Variants in ATP10B observed in about 807,000 individuals in gnomAD.
The protein encoded by ATP10B is ATPase phospholipid transporting 10B (putative), also known as phospholipid-transporting ATPase VB.
ATP10B carries 122 observed loss-of-function variants against 141.2 expected under a neutral mutation model. The observed-to-expected ratio is 0.86, with a 90% CI of 0.75 to 1.00. ATP10B has a LOEUF of 1.00. ATP10B is among the 50% of genes least tolerant of loss of function. The probability of loss-of-function intolerance (pLI) is 0.00; values close to 1 mark genes in which losing one functional copy is unlikely to be tolerated. For synonymous variants in ATP10B, 685 were observed against 692.0 expected (o/e 0.99, Z 0.16); for missense variants, 1,876 against 1,825.3 (o/e 1.03, Z -0.51).
chr5:160,860,423 C>T, the ATP10B span, among the ~76,000 whole-genome samples: 1 of 151,794 alleles, frequency 6.6e-6, no homozygotes, highest in Non-Finnish European at 1.5e-5. Context: ...GTCTTGTCTA[C>T]CTTTCCCCAA....
chr5:160,775,017 A>G (rs908023012), intron 2 of ATP10B, among the ~76,000 whole-genome samples: 5 of 152,312 alleles, frequency 3.3e-5, no homozygotes, highest in Non-Finnish European at 7.4e-5. Context: ...CCAGGCTCCT[A>G]TGGAGATTCA....
chr5:160,812,056 GA>G (rs1773212914), intron 1 of ATP10B, among the ~76,000 whole-genome samples: 2 of 148,250 alleles, frequency 1.3e-5, no homozygotes, highest in Admixed American at 6.7e-5. Context: ...GAGAGAGAGA[GA>G]GAGGGAGAGG....
At chr5:160,695,959 G>A (rs970258352) in intron 3 of ATP10B, among the ~76,000 whole-genome samples, 4 of 152,120 alleles carry the variant, frequency 2.6e-5, no homozygotes, top group African/African-American at 9.7e-5. Context: ...GAAATAGTCT[G>A]GAGTTAGCAG....
At chr5:160,578,100 C>A (rs1755309434) in intron 24 of ATP10B, among the ~76,000 whole-genome samples, 1 of 152,068 alleles carries the variant, frequency 6.6e-6, no homozygotes. Context: ...CTTGCATCAA[C>A]TATGAGTACT....
At chr5:160,833,115 G>T (rs1775203439) in intron 1 of ATP10B, among the ~76,000 whole-genome samples, 1 of 152,158 alleles carries the variant, frequency 6.6e-6, no homozygotes, top group Non-Finnish European at 1.5e-5. Context: ...AGGCTAGTAT[G>T]ATGGAGAGAT....
At chr5:160,803,164 C>G (rs1336078744) in intron 1 of ATP10B, among the ~76,000 whole-genome samples, 1 of 152,148 alleles carries the variant, frequency 6.6e-6, no homozygotes, top group African/African-American at 2.4e-5. Flanking sequence ...CTCTAAACCT[C>G]AGTTTTTTTC....
intron 2 of ATP10B, among the ~76,000 whole-genome samples, chr5:160,739,099 T>C (rs979909815): frequency 2.0e-5 from 3 of 152,202 alleles, no homozygotes; most frequent in African/African-American, 7.2e-5. Context: ...CATGTGATCA[T>C]TTCAGTGGAC....
intron 13 of ATP10B, among the ~76,000 whole-genome samples, chr5:160,623,815 G>C (rs1175489785): frequency 6.6e-6 from 1 of 152,182 alleles, no homozygotes; most frequent in East Asian, 1.9e-4. Context: ...GTCTGGTTTT[G>C]TCTATCTCCC....
At chr5:160,917,183 GCA>G in the ATP10B span, among the ~76,000 whole-genome samples, 3 of 151,710 alleles carry the variant, frequency 2.0e-5, no homozygotes, top group African/African-American at 7.3e-5. Context: ...GGCAAATGAG[GCA>G]CAGAGAACAG....
chr5:160,751,530 C>G (rs532866704), intron 2 of ATP10B, among the ~76,000 whole-genome samples: 1 of 152,062 alleles, frequency 6.6e-6, no homozygotes, highest in East Asian at 1.9e-4. Flanking sequence ...CTTCCTATAA[C>G]TAGGAAAAGA....
the ATP10B span, among the ~76,000 whole-genome samples, chr5:160,880,148 A>G: frequency 6.8e-6 from 1 of 147,282 alleles, no homozygotes; most frequent in Non-Finnish European, 1.5e-5. Flanking sequence ...AGATTACATA[A>G]TATATATAAA....
intron 8 of ATP10B, among the ~76,000 whole-genome samples, chr5:160,646,906 A>T (rs1760317486): frequency 6.6e-6 from 1 of 152,204 alleles, no homozygotes; most frequent in Non-Finnish European, 1.5e-5. Flanking sequence ...TTTGGACTAC[A>T]CAATTCTCTG....
chr5:160,587,452 T>G (rs1002584183), intron 24 of ATP10B, among the ~76,000 whole-genome samples: 1 of 152,232 alleles, frequency 6.6e-6, no homozygotes, highest in Non-Finnish European at 1.5e-5. Flanking sequence ...AAAGTAGATT[T>G]TTCTAATTCT....
At chr5:160,663,431 C>T (rs1362094381) in intron 7 of ATP10B, among the ~76,000 whole-genome samples, 1 of 152,054 alleles carries the variant, frequency 6.6e-6, no homozygotes, top group African/African-American at 2.4e-5. Flanking sequence ...AAATGTGGCA[C>T]ATATACACCA....
chr5:160,632,431 C>A, intron 12 of ATP10B, 64 bp from the exon 13 acceptor site: 1 of 1,509,718 alleles, frequency 6.6e-7, no homozygotes. Flanking sequence ...TGGGGAAAAC[C>A]TAGACTTTGT....
chr5:160,864,777 C>T, the ATP10B span, among the ~76,000 whole-genome samples: 325 of 151,836 alleles, frequency 2.1e-3, no homozygotes, highest in African/African-American at 7.5e-3. Context: ...ACATCAACAA[C>T]ACAAATTAAG....
chr5:160,764,830 A>T (rs556523110), intron 2 of ATP10B, among the ~76,000 whole-genome samples: 158 of 152,314 alleles, frequency 1.0e-3, no homozygotes, highest in African/African-American at 3.7e-3. Context: ...TCATCCAAAA[A>T]GTTCCTAGAT....
rs116674001 is a variant in ATP10B at position 160,730,414 on chromosome 5, G to A, written c.-330-13380C>T. On this transcript the variant is annotated intron_variant, in intron 2 of 25. Transcript: ENST00000327245. ...CAAATAAAGATTAAGTCATAAGTCC[G>A]AGGCTACACAACCAGGAATTCATTG... Among the ~76,000 whole-genome samples the A allele has an allele frequency of 4.7e-3, 710 of 151,590 alleles. 4 individuals are homozygous for A. Among genetic ancestry groups the A allele is most frequent in the African/African-American group, 0.016 (664 of 41,224 alleles).
Position 160,617,880 on chromosome 5 carries a change from A to G in ATP10B, c.2510T>C (p.Leu837Pro). The G allele has an allele frequency of 6.2e-7, 1 of 1,614,028 alleles. No homozygotes were observed. The highest frequency in any genetic ancestry group is 8.5e-7 in the Non-Finnish European group (1 of 1,179,842). The change falls in exon 16 of 26, where the codon CTA becomes CCA. Residue 837 changes from leucine (L) to proline (P), a missense_variant. By Grantham distance (98) the Leu-to-Pro change is moderately conservative. Coordinates refer to ENST00000327245, the MANE Select transcript of ATP10B (RefSeq NM_025153.3). ...TGTTCTTACCTTCTTGGCAATGCAT[A>G]GTGTGCGCAGGCCATCTCTTGCATA... Reference protein sequence around the residue: ...DLYARDGLRTLCIAKKVVSEE... With the variant: ...DLYARDGLRTPCIAKKVVSEE...
Sources: gnomAD v4.1 joint callset for allele counts (sites outside exome capture counted in the v4.1 genomes callset) on GRCh38, gnomAD v4.1.1 for gene constraint, MANE v1.5 for transcripts, NCBI Gene and HGNC (gene_info 2026-07-23, HGNC 2026-07-21) for gene names.